FAM228B: variants seen among roughly 807,000 people sequenced by gnomAD.
The protein encoded by FAM228B is family with sequence similarity 228 member B.
A neutral mutation model predicts 42.6 loss-of-function variants in FAM228B; 38 were observed. The observed-to-expected ratio is 0.89, with a 90% CI of 0.69 to 1.17. The LOEUF (loss-of-function observed/expected upper bound fraction) is 1.17. Among genes scored for constraint, FAM228B ranks in the 50% most tolerant of loss-of-function variants. The pLI is 0.00. For synonymous variants in FAM228B, 109 were observed against 122.3 expected (o/e 0.89, Z 0.72); for missense variants, 344 against 367.3 (o/e 0.94, Z 0.52).
At chr2:24,168,374 C>T (rs1667479390) in intron 10 of FAM228B, among the ~76,000 whole-genome samples, 1 of 152,166 alleles carries the variant, frequency 6.6e-6, no homozygotes, top group East Asian at 1.9e-4. Context: ...TGGAAGGAAG[C>T]AAAGCAGAAG....
chr2:24,083,246 T>C (rs1665097945), intron 2 of FAM228B: 6 of 1,471,724 alleles, frequency 4.1e-6, no homozygotes, highest in Non-Finnish European at 4.5e-6. Context: ...TCTTTTTTTT[T>C]TCAAAAATAA....
At chr2:24,159,160 C>A (rs12185638) in intron 7 of FAM228B, among the ~76,000 whole-genome samples, 3 of 151,998 alleles carry the variant, frequency 2.0e-5, no homozygotes, top group Admixed American at 6.5e-5. Context: ...CTCATTTTAA[C>A]CTGATAACAT....
upstream of FAM228B, chr2:24,119,469 A>G (rs547130828): frequency 2.7e-6 from 2 of 751,364 alleles, no homozygotes; most frequent in South Asian, 3.7e-5. Flanking sequence ...TCCTTCCAAT[A>G]AATTCCTCCT....
intron 1 of FAM228B, 143 bp from the exon 2 acceptor site, chr2:24,124,185 CTG>C: frequency 1.9e-6 from 1 of 527,988 alleles, no homozygotes; most frequent in Non-Finnish European, 3.4e-6. Context: ...CATCTGGAGT[CTG>C]TAGTGAAGGC....
intron 2 of FAM228B, among the ~76,000 whole-genome samples, chr2:24,082,229 C>A (rs998287636): frequency 2.6e-5 from 4 of 152,178 alleles, no homozygotes; most frequent in Non-Finnish European, 5.9e-5. Flanking sequence ...CTCCTGGGCT[C>A]GTGATCTGTC....
intron 7 of FAM228B, among the ~76,000 whole-genome samples, chr2:24,154,146 T>G (rs1325893412): frequency 6.6e-6 from 1 of 152,184 alleles, no homozygotes; most frequent in Non-Finnish European, 1.5e-5. Flanking sequence ...TTTAGTGATA[T>G]GAAGTTAAAA....
At chr2:24,115,639 T>C (rs770517752) in intron 3 of FAM228B, 1 of 1,608,338 alleles carries the variant, frequency 6.2e-7, no homozygotes, top group East Asian at 2.2e-5. Context: ...ATGGTTATTA[T>C]TTATGAGCTG....
intron 2 of FAM228B, among the ~76,000 whole-genome samples, chr2:24,128,810 C>T (rs1426490184): frequency 6.6e-6 from 1 of 152,004 alleles, no homozygotes; most frequent in Non-Finnish European, 1.5e-5. Context: ...GTCTTGCCTC[C>T]GAGTTTTGCT....
In FAM228B at chr2:24,081,784, C is replaced by G. The variant is rs190931734; in HGVS notation, c.-210+829C>G. On this transcript the variant is annotated intron_variant, in intron 2 of 10. Transcript: ENST00000613899. ...GCTCACTGCAAGCTCTGCCCCACCC[C>G]CCCTGCGTTCATGCCATTCTCTTGC... Among the ~76,000 whole-genome samples, 8 of 151,366 alleles carry G rather than the reference C, an allele frequency of 5.3e-5. No homozygotes were observed. The East Asian group carries it at 5.9e-4, about 11-fold the overall frequency.
intron 7 of FAM228B, among the ~76,000 whole-genome samples, chr2:24,151,450 C>CCGGCTAATTTTTT (rs1455650950): frequency 6.6e-6 from 1 of 151,614 alleles, no homozygotes; most frequent in African/African-American, 2.4e-5. Context: ...ACCACCACGT[C>CCGGCTAATTTTTT]CGGCTAATTT....
intron 2 of FAM228B, among the ~76,000 whole-genome samples, chr2:24,130,733 T>C (rs1666435995): frequency 6.6e-6 from 1 of 152,204 alleles, no homozygotes; most frequent in South Asian, 2.1e-4. Flanking sequence ...AAAAATTTTC[T>C]CCCATTCTGT....
At chr2:24,094,029 CTTTTT>C (rs57620033) in intron 2 of FAM228B, among the ~76,000 whole-genome samples, 3 of 77,394 alleles carry the variant, frequency 3.9e-5, no homozygotes, top group Admixed American at 2.1e-4. Flanking sequence ...TCGCCACATA[CTTTTT>C]TTTTTTTTTT....
At chr2:24,155,525 A>ATTTTT (rs1199134206) in intron 7 of FAM228B, among the ~76,000 whole-genome samples, 3 of 48,306 alleles carry the variant, frequency 6.2e-5, no homozygotes, top group Non-Finnish European at 1.1e-4. Flanking sequence ...ATATATATAT[A>ATTTTT]TATATATTTT....
chr2:24,167,501 G>T (rs916449137), intron 9 of FAM228B, 126 bp from the exon 10 acceptor site: 2 of 1,219,354 alleles, frequency 1.6e-6, no homozygotes, highest in Non-Finnish European at 2.3e-6. Flanking sequence ...TGTTGGGGTT[G>T]GTTCTTCTCC....
At chr2:24,082,882 C>T in intron 2 of FAM228B, 1 of 1,599,682 alleles carries the variant, frequency 6.3e-7, no homozygotes, top group Non-Finnish European at 8.5e-7. Context: ...GAGGCCTCCT[C>T]ACCCACAAGA....
Position 24,077,642 on chromosome 2 carries a change from C to T in FAM228B, c.-290+673C>T. ...TGTTGGCCTCCATGTACTTATGGGCCTCCTGGATTTCGGTCACTGGGTAGA... is the reference window on the plus strand; with the variant it reads ...TGTTGGCCTCCATGTACTTATGGGCTTCCTGGATTTCGGTCACTGGGTAGA... On this transcript the variant is annotated intron_variant, in intron 1 of 10. Transcript: ENST00000613899. This position sits in a 1 kb window ranked among gnomAD's most constrained non-coding sequence, Gnocchi z 5.5. The T allele has an allele frequency of 6.2e-7, 1 of 1,614,080 alleles. No homozygotes were observed. The highest frequency in any genetic ancestry group is 2.2e-5 in the East Asian group (1 of 44,870).
At chr2:24,099,519 T>C (rs1665565626) in intron 3 of FAM228B, among the ~76,000 whole-genome samples, 1 of 152,150 alleles carries the variant, frequency 6.6e-6, no homozygotes. Flanking sequence ...CCAGTCACAA[T>C]TGCTACAAAG....
intron 4 of FAM228B, 43 bp downstream of exon 4, chr2:24,138,143 C>A: frequency 7.2e-7 from 1 of 1,379,778 alleles, no homozygotes; most frequent in Non-Finnish European, 9.8e-7. Context: ...TGATTTAGAC[C>A]TAATGTCATC....
At chr2:24,163,229 T>C (rs1404228072) in intron 8 of FAM228B, among the ~76,000 whole-genome samples, 1 of 152,206 alleles carries the variant, frequency 6.6e-6, no homozygotes, top group East Asian at 1.9e-4. Flanking sequence ...CCTGAACAGG[T>C]TCAGAATTTG....
Sources: allele counts gnomAD v4.1 joint callset (sites outside exome capture counted in the v4.1 genomes callset), GRCh38; gene constraint gnomAD v4.1.1; non-coding constraint Gnocchi (gnomAD v3.1); transcripts MANE v1.5; gene names NCBI Gene and HGNC (gene_info 2026-07-23, HGNC 2026-07-21).